Variants in RAB3C observed in about 807,000 individuals in gnomAD.
RAB3C encodes the protein RAB3C, member RAS oncogene family.
In RAB3C, 17 loss-of-function variants were observed where a neutral mutation model predicts 26.4. The ratio of observed to expected loss-of-function variants is 0.64; its 90% CI spans 0.44 to 0.97. RAB3C has a LOEUF of 0.97. RAB3C is among the 50% of genes least tolerant of loss of function. The probability of loss-of-function intolerance (pLI) is 0.00; values close to 1 mark genes in which losing one functional copy is unlikely to be tolerated. For missense variants in RAB3C, 242 were observed against 281.9 expected (o/e 0.86, Z 1.01); for synonymous variants, 91 against 95.9 (o/e 0.95, Z 0.30).
At chr5:58,779,565 C>T (rs1165650528) in intron 3 of RAB3C, among the ~76,000 whole-genome samples, 1 of 151,562 alleles carries the variant, frequency 6.6e-6, no homozygotes, top group East Asian at 1.9e-4. Flanking sequence ...TTTAAAATTT[C>T]GTTGTAGAGA....
chr5:58,678,228 AT>A (rs764942673), intron 2 of RAB3C, among the ~76,000 whole-genome samples: 2 of 152,220 alleles, frequency 1.3e-5, no homozygotes, highest in Non-Finnish European at 2.9e-5. Context: ...CAAAAAAGAT[AT>A]AAAAAATATT....
chr5:58,739,324 T>A (rs1021592254), intron 3 of RAB3C, among the ~76,000 whole-genome samples: 18 of 152,200 alleles, frequency 1.2e-4, no homozygotes, highest in Admixed American at 7.2e-4. Context: ...GAGTCTAAAT[T>A]GATACGACCC....
chr5:58,625,471 C>T (rs180701470), intron 2 of RAB3C, among the ~76,000 whole-genome samples: 3 of 152,180 alleles, frequency 2.0e-5, no homozygotes, highest in Admixed American at 2.0e-4. Flanking sequence ...CATTATATTC[C>T]ATCCAGATTA....
intron 3 of RAB3C, among the ~76,000 whole-genome samples, chr5:58,754,903 A>C: frequency 6.6e-6 from 1 of 151,188 alleles, no homozygotes; most frequent in Non-Finnish European, 1.5e-5. Context: ...TTTCTTCTGC[A>C]CAAATCAATA....
At chr5:58,778,944 C>T (rs1310687596) in intron 3 of RAB3C, among the ~76,000 whole-genome samples, 1 of 152,166 alleles carries the variant, frequency 6.6e-6, no homozygotes, top group Non-Finnish European at 1.5e-5. Flanking sequence ...ATAATAGCGT[C>T]ATTCTCCAAG....
At chr5:58,766,521 G>A (rs779222584) in intron 3 of RAB3C, among the ~76,000 whole-genome samples, 8 of 152,174 alleles carry the variant, frequency 5.3e-5, no homozygotes, top group African/African-American at 1.2e-4. Flanking sequence ...AAGCTGCCTC[G>A]TAGCACCTGA....
Position 58,755,298 on chromosome 5 carries a change from CTTAA to C in RAB3C, c.371+29181_371+29184del, listed in dbSNP as rs550872692. 2.4e-3 allele frequency among the ~76,000 whole-genome samples: 363 copies of C among 152,298 alleles called. 1 individual carries two copies. The highest frequency in any genetic ancestry group is 8.5e-3 in the African/African-American group (353 of 41,570). ...CTGAACTAATCTGATGTAATAAAAGCTTAATTGTCTACTTGCAATTATCATTTCC... is the reference window on the plus strand; with the variant it reads ...CTGAACTAATCTGATGTAATAAAAGCTTGTCTACTTGCAATTATCATTTCC... On this transcript the variant is annotated intron_variant, in intron 3 of 4. Transcript: ENST00000282878.
At position 58,852,984 on chromosome 5, in the gene RAB3C, C is replaced by T. The variant is rs1257783753; in HGVS notation, c.*1633C>T. The T allele has an allele frequency of 1.3e-5, 2 of 152,156 alleles. No individual in the cohort carries two copies. The highest frequency in any genetic ancestry group is 4.8e-5 in the African/African-American group (2 of 41,440). The allele number at this position is 152,156 out of a possible 1,614,324, so 9.4% of individuals were successfully genotyped here. ...ACAAGTCACAGAACTAGGTCACACA[C>T]ATTAGTAAGTCAAAAGTTGGAAATT... On this transcript the variant is annotated 3_prime_UTR_variant, in exon 5 of 5. Coordinates refer to ENST00000282878, the MANE Select transcript of RAB3C (RefSeq NM_138453.4).
chr5:58,601,368 T>C (rs1746448957), intron 1 of RAB3C, among the ~76,000 whole-genome samples: 1 of 152,148 alleles, frequency 6.6e-6, no homozygotes, highest in Non-Finnish European at 1.5e-5. Context: ...TAGAATGAAG[T>C]AGGGAGGGTT....
chr5:58,597,013 A>C (rs554018103), intron 1 of RAB3C, among the ~76,000 whole-genome samples: 3 of 88,696 alleles, frequency 3.4e-5, no homozygotes. Flanking sequence ...ATATATAAAT[A>C]TATAATAATA....
intron 2 of RAB3C, among the ~76,000 whole-genome samples, chr5:58,682,565 T>A (rs1240198298): frequency 6.6e-6 from 1 of 151,940 alleles, no homozygotes; most frequent in South Asian, 2.1e-4. Context: ...GCGCCTATAG[T>A]CCCAGCTACT....
intron 3 of RAB3C, among the ~76,000 whole-genome samples, chr5:58,737,910 AAT>A (rs1491026530): frequency 2.0e-5 from 3 of 152,090 alleles, no homozygotes. Context: ...AGAAAAAAAA[AAT>A]GTCTTATCTT....
intron 3 of RAB3C, among the ~76,000 whole-genome samples, chr5:58,757,954 G>A (rs184419949): frequency 8.1e-4 from 123 of 152,048 alleles, no homozygotes; most frequent in African/African-American, 2.9e-3. Flanking sequence ...GTTTTGTTTT[G>A]TTTTTGAGAC....
At chr5:58,659,671 T>C (rs1025658952) in intron 2 of RAB3C, among the ~76,000 whole-genome samples, 1 of 152,218 alleles carries the variant, frequency 6.6e-6, no homozygotes, top group Non-Finnish European at 1.5e-5. Context: ...GATTTTCTTA[T>C]AGAAAAGAAA....
At chr5:58,682,716 G>A (rs1042500243) in intron 2 of RAB3C, among the ~76,000 whole-genome samples, 3 of 151,286 alleles carry the variant, frequency 2.0e-5, no homozygotes, top group African/African-American at 7.3e-5. Context: ...AAAAAAGACA[G>A]TTTTTAAGAT....
At chr5:58,787,022 C>T (rs778797799) in intron 3 of RAB3C, among the ~76,000 whole-genome samples, 1 of 152,038 alleles carries the variant, frequency 6.6e-6, no homozygotes, top group Non-Finnish European at 1.5e-5. Context: ...TTTCAAGATT[C>T]GATGTCTTGG....
intron 2 of RAB3C, among the ~76,000 whole-genome samples, chr5:58,721,814 T>G (rs1740771944): frequency 6.6e-6 from 1 of 151,802 alleles, no homozygotes; most frequent in African/African-American, 2.4e-5. Context: ...AATTTCTTAT[T>G]CTCCCTGAGA....
intron 2 of RAB3C, among the ~76,000 whole-genome samples, chr5:58,629,262 T>G (rs931503681): frequency 6.6e-6 from 1 of 152,106 alleles, no homozygotes; most frequent in African/African-American, 2.4e-5. Flanking sequence ...CCCAAATATC[T>G]GGGATTCAGT....
chr5:58,834,248 C>A (rs1743683991), intron 4 of RAB3C, among the ~76,000 whole-genome samples: 1 of 152,226 alleles, frequency 6.6e-6, no homozygotes. Flanking sequence ...GCCAGAGAAA[C>A]ATGGACAGCC....
Sources: allele counts gnomAD v4.1 joint callset (sites outside exome capture counted in the v4.1 genomes callset), GRCh38; gene constraint gnomAD v4.1.1; transcripts MANE v1.5; gene names NCBI Gene and HGNC (gene_info 2026-07-23, HGNC 2026-07-21).